Variants in C16orf89 observed in about 807,000 individuals in gnomAD.
The protein encoded by C16orf89 is chromosome 16 open reading frame 89.
A neutral mutation model predicts 41.5 loss-of-function variants in C16orf89; 57 were observed. That is an observed-to-expected ratio of 1.38 (90% CI 1.11 to 1.71). The LOEUF is 1.71. C16orf89 is among the 40% of genes most tolerant of loss of function. C16orf89 has a pLI of 0.00. For synonymous variants in C16orf89, 223 were observed against 190.6 expected, an observed-to-expected ratio of 1.17 and a Z score of -1.40; for missense variants, 575 against 445.9, an observed-to-expected ratio of 1.29 and a Z score of -2.61.
At chr16:5,055,225 C>G (rs1470007812) in intron 6 of C16orf89, 21 bp downstream of exon 6, 1 of 1,572,916 alleles carries the variant, frequency 6.4e-7, no homozygotes, top group Non-Finnish European at 8.7e-7. Context: ...CCTTCTTAGC[C>G]AGGGCAGCAG....
chr16:5,062,021 A>G (rs1295819671), intron 2 of C16orf89, among the ~76,000 whole-genome samples: 1 of 152,228 alleles, frequency 6.6e-6, no homozygotes, highest in African/African-American at 2.4e-5. Context: ...TTCTACTGAC[A>G]TTTAATGAAG....
intron 5 of C16orf89, 145 bp from the exon 6 acceptor site, chr16:5,055,495 G>A (rs915396636): frequency 8.6e-5 from 81 of 942,172 alleles, no homozygotes; most frequent in Non-Finnish European, 1.2e-4. Flanking sequence ...AGGGAAGGAG[G>A]CAGCTTGAGC....
chr16:5,062,342 A>C, intron 2 of C16orf89, 83 bp downstream of exon 2: 2 of 1,463,642 alleles, frequency 1.4e-6, no homozygotes, highest in Non-Finnish European at 1.8e-6. Flanking sequence ...GCCTTGCCCC[A>C]GGAGAGCCCA....
chr16:5,065,711 T>G lies in C16orf89; in HGVS notation c.198A>C (p.Arg66=). ...TTGGGGCTCACTCACCTTCCAGCAC[T>G]CGGACCCCCACCATGCCATCCAGGT... The part of the protein sequence containing the change: ...EINLDGMVGV[R]VLEEQLKSVR... The change falls in exon 1 of 8, where the codon CGA becomes CGC. Residue 66 remains arginine, a synonymous_variant. Transcript: ENST00000472572. The G allele has an allele frequency of 6.2e-7, 1 of 1,613,234 alleles. No homozygotes were observed. Among genetic ancestry groups the G allele is most frequent in the East Asian group, 2.2e-5 (1 of 44,862 alleles).
chr16:5,048,420 C>G (rs371156354), intron 6 of C16orf89, among the ~76,000 whole-genome samples: 1 of 152,186 alleles, frequency 6.6e-6, no homozygotes, highest in African/African-American at 2.4e-5. Flanking sequence ...AAACTTGAGG[C>G]TATTCCGGAA....
At chr16:5,054,658 C>T (rs1339403333) in intron 6 of C16orf89, among the ~76,000 whole-genome samples, 1 of 152,162 alleles carries the variant, frequency 6.6e-6, no homozygotes, top group African/African-American at 2.4e-5. Flanking sequence ...TGTCCCCACC[C>T]AAGTCTCATC....
intron 1 of C16orf89, 46 bp from the exon 2 acceptor site, chr16:5,062,620 CCT>C: frequency 6.6e-7 from 1 of 1,508,088 alleles, no homozygotes; most frequent in Non-Finnish European, 8.9e-7. Flanking sequence ...GGAATCGGGA[CCT>C]TTTTTTGCCT....
intron 5 of C16orf89, chr16:5,055,730 G>A (rs1056342104): frequency 1.4e-6 from 2 of 1,476,072 alleles, no homozygotes; most frequent in African/African-American, 1.4e-5. Context: ...CAGCCTTTGG[G>A]GGCAGGAAAC....
chr16:5,065,936 A>G lies in C16orf89; in HGVS notation c.-28T>C. 1 of 1,607,716 alleles carries G rather than the reference A, an allele frequency of 6.2e-7. No individual in the cohort carries two copies. Among genetic ancestry groups the G allele is most frequent in the Non-Finnish European group, 8.5e-7 (1 of 1,177,858 alleles). On this transcript the variant is annotated 5_prime_UTR_variant, in exon 1 of 8. Coordinates refer to ENST00000472572, the MANE Select transcript of C16orf89 (RefSeq NM_001098514.3). The stretch of plus-strand genomic sequence containing the variant: ...CCGGCCTCTGCTCACTGCTGGTCAC[A>G]CGCTCAGCACCCTGAGCTCTGGCCA...
intron 4 of C16orf89, among the ~76,000 whole-genome samples, chr16:5,057,989 C>T (rs17137555): frequency 2.0e-5 from 3 of 151,948 alleles, no homozygotes; most frequent in East Asian, 3.9e-4. Flanking sequence ...GATCCCAAAT[C>T]GGCTCAATTA....
In C16orf89 at chr16:5,053,878, C is replaced by T. The variant is rs201762723; in HGVS notation, c.868+1368G>A. ...GCTAGAAGAGCGAATTTGGAATGTT[C>T]CCAACACAAAGAAATGACAGATGTT... On this transcript the variant is annotated intron_variant, in intron 6 of 7. Coordinates refer to ENST00000472572, the MANE Select transcript of C16orf89 (RefSeq NM_001098514.3). 2.0e-5 allele frequency among the ~76,000 whole-genome samples: 3 copies of T among 152,216 alleles called. No individual in the cohort carries two copies. In the East Asian group the frequency reaches 5.8e-4, roughly 29 times the overall value.
intron 7 of C16orf89, among the ~76,000 whole-genome samples, chr16:5,047,174 A>C (rs1035429945): frequency 6.6e-6 from 1 of 152,166 alleles, no homozygotes; most frequent in African/African-American, 2.4e-5. Flanking sequence ...CAGCCCCTGC[A>C]GGCCCTATTA....
chr16:5,064,643 C>A (rs1427657890), intron 1 of C16orf89, among the ~76,000 whole-genome samples: 1 of 152,182 alleles, frequency 6.6e-6, no homozygotes, highest in African/African-American at 2.4e-5. Flanking sequence ...CCCTTCTGGG[C>A]ACAGTTCACG....
At chr16:5,058,743 G>A (rs149120641) in intron 3 of C16orf89, 133 bp from the exon 4 acceptor site, 8,505 of 653,750 alleles carry the variant, frequency 0.013, 99 homozygotes, top group Non-Finnish European at 0.013. Flanking sequence ...GGTTGACAGA[G>A]ACAATACAGC....
intron 1 of C16orf89, among the ~76,000 whole-genome samples, chr16:5,063,721 C>T (rs906436533): frequency 2.0e-5 from 3 of 152,186 alleles, no homozygotes; most frequent in Non-Finnish European, 4.4e-5. Flanking sequence ...CTGAGACCGT[C>T]TCCTATCACC....
In C16orf89 at chr16:5,060,287, C is replaced by A. The variant is rs182580518; in HGVS notation, c.508G>T (p.Gly170Trp). ...DVCLVQLLGT[G>W]TDSSEPCGLS... ...AAATAGGGCAAGTGCAGGGCCCACCCGGTTCCCAGCAGCTGCACCAGGCAC... is the reference window on the plus strand; with the variant it reads ...AAATAGGGCAAGTGCAGGGCCCACCAGGTTCCCAGCAGCTGCACCAGGCAC... The change falls in exon 3 of 8, where the codon GGG becomes TGG. Residue 170 changes from glycine (G) to tryptophan (W), a missense_variant and splice_region_variant. Gly to Trp is a radical substitution (Grantham distance 184, BLOSUM62 -2). Coordinates refer to ENST00000472572, the MANE Select transcript of C16orf89 (RefSeq NM_001098514.3). 6.2e-7 allele frequency: 1 copy of A among 1,606,868 alleles called. No homozygotes were observed. Among genetic ancestry groups the A allele is most frequent in the Non-Finnish European group, 8.5e-7 (1 of 1,176,134 alleles).
At chr16:5,059,419 AAG>A (rs941701521) in intron 3 of C16orf89, among the ~76,000 whole-genome samples, 2 of 151,312 alleles carry the variant, frequency 1.3e-5, no homozygotes, top group African/African-American at 4.9e-5. Context: ...TGAGCCGAGA[AAG>A]AACACACCAC....
At chr16:5,052,817 C>T (rs1956422402) in intron 6 of C16orf89, among the ~76,000 whole-genome samples, 1 of 152,170 alleles carries the variant, frequency 6.6e-6, no homozygotes, top group South Asian at 2.1e-4. Context: ...GTTGAAGAGA[C>T]ATCTGCACCC....
intron 1 of C16orf89, among the ~76,000 whole-genome samples, chr16:5,065,474 T>G (rs1252009283): frequency 6.6e-6 from 1 of 152,228 alleles, no homozygotes; most frequent in African/African-American, 2.4e-5. Context: ...CCCAAATCCC[T>G]TCCCATGTTG....
Sources: gnomAD v4.1 joint callset for allele counts (sites outside exome capture counted in the v4.1 genomes callset) on GRCh38, gnomAD v4.1.1 for gene constraint, MANE v1.5 for transcripts, NCBI Gene and HGNC (gene_info 2026-07-23, HGNC 2026-07-21) for gene names.